OSBP2: variants seen among roughly 807,000 people sequenced by gnomAD.
The protein encoded by OSBP2 is oxysterol binding protein 2.
OSBP2 carries 66 observed loss-of-function variants against 96.0 expected under a neutral mutation model. That is an observed-to-expected ratio of 0.69 (90% CI 0.56 to 0.84). The LOEUF (loss-of-function observed/expected upper bound fraction) is 0.84, where lower values mean the gene tolerates loss of function less well. Ranked by LOEUF, OSBP2 falls within the 40% of genes least tolerant of loss-of-function variation. The pLI is 0.00. For synonymous variants in OSBP2, 525 were observed against 520.9 expected (o/e 1.01, Z -0.11); for missense variants, 1,038 against 1,222.7 (o/e 0.85, Z 2.25).
At chr22:30,802,746 C>G (rs1040879109) in intron 2 of OSBP2, among the ~76,000 whole-genome samples, 1 of 152,358 alleles carries the variant, frequency 6.6e-6, no homozygotes, top group Non-Finnish European at 1.5e-5. Context: ...TCGCGCGGCT[C>G]TCATCGCTCT....
chr22:30,901,769 G>A (rs1310206471), intron 12 of OSBP2, among the ~76,000 whole-genome samples: 1 of 152,132 alleles, frequency 6.6e-6, no homozygotes, highest in Non-Finnish European at 1.5e-5. Flanking sequence ...GAAAGCTGAG[G>A]CAGGAAAAGT....
intron 1 of OSBP2, among the ~76,000 whole-genome samples, chr22:30,708,995 G>T (rs976806771): frequency 6.6e-6 from 1 of 151,908 alleles, no homozygotes; most frequent in Admixed American, 6.6e-5. Context: ...AGCTATTTGG[G>T]AGGCTGAGGC....
At chr22:30,833,906 T>G (rs1435762339) in intron 2 of OSBP2, among the ~76,000 whole-genome samples, 2 of 152,204 alleles carry the variant, frequency 1.3e-5, no homozygotes, top group African/African-American at 2.4e-5. Flanking sequence ...TACCAACACT[T>G]TGTTTTGCAA....
chr22:30,839,083 G>A (rs1373206330), intron 2 of OSBP2, among the ~76,000 whole-genome samples: 1 of 141,594 alleles, frequency 7.1e-6, no homozygotes, highest in Non-Finnish European at 1.5e-5. Context: ...CCATCTATGA[G>A]TGAGAACATG....
chr22:30,887,320 C>A (rs2039833558), intron 3 of OSBP2, 106 bp from the exon 4 acceptor site: 5 of 932,040 alleles, frequency 5.4e-6, no homozygotes, highest in African/African-American at 3.3e-5. Flanking sequence ...TCAGCCTCAT[C>A]TTACCCAGCT....
In OSBP2 at chr22:30,695,567, AG is replaced by A. The variant is rs1234917198; in HGVS notation, c.644+17del. On this transcript the variant is annotated intron_variant, in intron 1 of 13. Transcript: ENST00000332585. ...CTCTTACTACAGGTATGGAAGCGCC[AG>A]GGTGGGACATGGGGGTTGGAGGGTG... 1 of 1,595,076 alleles carries A rather than the reference AG, an allele frequency of 6.3e-7. No homozygotes were observed. The highest frequency in any genetic ancestry group is 1.7e-5 in the Admixed American group (1 of 59,438).
Position 30,868,151 on chromosome 22 carries a change from C to T in OSBP2, c.854-2278C>T, listed in dbSNP as rs529652623. On this transcript the variant is annotated intron_variant, in intron 2 of 13. Transcript: ENST00000332585. ...AGCGCCTCACCCACAGCCTGGCACC[C>T]GGAAAGGTGTGGTACACATCAGCCG... 5.3e-5 allele frequency among the ~76,000 whole-genome samples: 8 copies of T among 152,362 alleles called. No individual in the cohort carries two copies. In the East Asian group the frequency reaches 5.8e-4, roughly 11 times the overall value.
At chr22:30,810,935 T>A (rs1327535603) in intron 2 of OSBP2, among the ~76,000 whole-genome samples, 1 of 152,216 alleles carries the variant, frequency 6.6e-6, no homozygotes, top group Non-Finnish European at 1.5e-5. Context: ...CCGGAGTTGA[T>A]CCTGGCACAC....
chr22:30,881,902 A>C lies in OSBP2; in HGVS notation c.1108-5524A>C. The C allele has an allele frequency of 9.4e-7, 1 of 1,059,394 alleles. No homozygotes were observed. Among genetic ancestry groups the C allele is most frequent in the African/African-American group, 1.6e-5 (1 of 61,052 alleles). The allele number at this position is 1,059,394 out of a possible 1,614,324, so 65.6% of individuals were successfully genotyped here. On this transcript the variant is annotated intron_variant, in intron 3 of 13. Transcript: ENST00000332585. The surrounding 1 kb of genome is among the most constrained non-coding windows in gnomAD (Gnocchi z 4.5). The stretch of plus-strand genomic sequence containing the variant: ...GGGGGTAAAGGTCTTGGGTGCAGCC[A>C]CATGAGGCCTTTGATATTAGGGCAC...
chr22:30,788,185 AGTGATG>A (rs1177507415), intron 2 of OSBP2, among the ~76,000 whole-genome samples: 3 of 152,170 alleles, frequency 2.0e-5, no homozygotes, highest in East Asian at 3.8e-4. Flanking sequence ...TACAAGTGAC[AGTGATG>A]GTGATGGTGG....
chr22:30,808,446 G>A (rs2090960867), intron 2 of OSBP2, among the ~76,000 whole-genome samples: 2 of 152,282 alleles, frequency 1.3e-5, no homozygotes, highest in South Asian at 2.1e-4. Flanking sequence ...GGTGAAGGCT[G>A]TAGTAAGCCA....
rs539678022 is a variant in OSBP2 at position 30,705,790 on chromosome 22, G to T, written c.644+10237G>T. 3.3e-5 allele frequency among the ~76,000 whole-genome samples: 5 copies of T among 152,326 alleles called. No individual in the cohort carries two copies. The East Asian group carries it at 9.6e-4, about 29-fold the overall frequency. On this transcript the variant is annotated intron_variant, in intron 1 of 13. Coordinates refer to ENST00000332585, the MANE Select transcript of OSBP2 (RefSeq NM_030758.4). ...TGATCTCCTGCAGTGACCACAATGT[G>T]CAAGGCAGTGTGAGTGACAGACCTG...
chr22:30,858,350 G>A (rs2039128926), intron 2 of OSBP2, among the ~76,000 whole-genome samples: 1 of 150,802 alleles, frequency 6.6e-6, no homozygotes, highest in Admixed American at 6.6e-5. Flanking sequence ...GTTTCACCTT[G>A]TTAGCCAGGA....
At chr22:30,720,876 C>G (rs2089537751) in intron 1 of OSBP2, among the ~76,000 whole-genome samples, 1 of 152,122 alleles carries the variant, frequency 6.6e-6, no homozygotes, top group Non-Finnish European at 1.5e-5. Context: ...GTTGTGGAAC[C>G]TTGTTGTGGG....
intron 12 of OSBP2, among the ~76,000 whole-genome samples, chr22:30,904,956 CA>C (rs1317883399): frequency 1.3e-5 from 2 of 151,924 alleles, no homozygotes; most frequent in Admixed American, 1.3e-4. Flanking sequence ...GCCAACATGA[CA>C]AAACCCCATC....
intron 2 of OSBP2, among the ~76,000 whole-genome samples, chr22:30,860,604 GC>G (rs2039191189): frequency 6.6e-6 from 1 of 152,228 alleles, no homozygotes; most frequent in South Asian, 2.1e-4. Context: ...CTCAAGAACA[GC>G]CCTGTGGAAG....
At chr22:30,710,281 T>G (rs949674086) in intron 1 of OSBP2, among the ~76,000 whole-genome samples, 1 of 152,240 alleles carries the variant, frequency 6.6e-6, no homozygotes, top group Non-Finnish European at 1.5e-5. Flanking sequence ...GAATCAGTGC[T>G]TGACTCTTTC....
intron 8 of OSBP2, among the ~76,000 whole-genome samples, chr22:30,892,392 G>A (rs77669240): frequency 1.1e-3 from 160 of 152,256 alleles, no homozygotes; most frequent in Middle Eastern, 3.4e-3. Context: ...GAAGTGAGGC[G>A]AGGCACACTG....
At chr22:30,751,994 T>C (rs576460546) in intron 2 of OSBP2, among the ~76,000 whole-genome samples, 1 of 150,916 alleles carries the variant, frequency 6.6e-6, no homozygotes, top group African/African-American at 2.4e-5. Context: ...CCCAAAAGAG[T>C]ACCTGTGTCA....
Sources: gnomAD v4.1 joint callset for allele counts (sites outside exome capture counted in the v4.1 genomes callset) on GRCh38, gnomAD v4.1.1 for gene constraint, Gnocchi (gnomAD v3.1) non-coding constraint, MANE v1.5 for transcripts, NCBI Gene and HGNC (gene_info 2026-07-23, HGNC 2026-07-21) for gene names.